MTMR8: variants seen among roughly 807,000 people sequenced by gnomAD.
The protein encoded by MTMR8 is phosphatidylinositol-3,5-bisphosphate 3-phosphatase MTMR8.
Under a neutral mutation model 39.3 loss-of-function variants are expected in MTMR8, and 65 were observed. The observed-to-expected ratio is 1.65, with a 90% CI of 1.35 to 2.03. MTMR8 has a LOEUF of 2.03. Ranked by LOEUF, MTMR8 falls within the 30% of genes most tolerant of loss-of-function variation. The pLI, the probability that MTMR8 is intolerant of heterozygous loss-of-function variation, is 0.00. For missense variants in MTMR8, 777 were observed against 538.9 expected, an observed-to-expected ratio of 1.44 and a Z score of -4.37; for synonymous variants, 245 against 185.2, an observed-to-expected ratio of 1.32 and a Z score of -2.62.
At chrX:64,304,864 A>T (rs1332158554) in intron 12 of MTMR8, among the ~76,000 whole-genome samples, 1 of 28,676 alleles carries the variant, frequency 3.5e-5, no homozygotes, top group East Asian at 7.9e-4. Context: ...AAACATTTAT[A>T]TATATATATA....
chrX:64,283,323 C>T (rs984553105), intron 12 of MTMR8, among the ~76,000 whole-genome samples: 11 of 112,011 alleles, frequency 9.8e-5, no homozygotes, highest in African/African-American at 3.6e-4. Context: ...ACAAAGCAGC[C>T]TGGAAGCTCG....
intron 12 of MTMR8, among the ~76,000 whole-genome samples, chrX:64,315,712 T>C (rs1295265430): frequency 8.9e-6 from 1 of 111,882 alleles, no homozygotes; most frequent in East Asian, 2.8e-4. Flanking sequence ...AATTGGTGTA[T>C]TAAGATCATT....
chrX:64,302,636 A>G (rs1036708912), intron 12 of MTMR8, among the ~76,000 whole-genome samples: 5 of 112,758 alleles, frequency 4.4e-5, no homozygotes, highest in Non-Finnish European at 9.4e-5. Context: ...TTAGGAACCC[A>G]TTAGCTGAAA....
chrX:64,359,733 T>G (rs1261795033), intron 1 of MTMR8, among the ~76,000 whole-genome samples: 14 of 110,768 alleles, frequency 1.3e-4, no homozygotes, highest in Non-Finnish European at 1.7e-4. Flanking sequence ...GGAAAACCCG[T>G]ATTCTAGAAA....
chrX:64,366,181 C>G (rs1923949239), intron 1 of MTMR8, among the ~76,000 whole-genome samples: 1 of 111,445 alleles, frequency 9.0e-6, no homozygotes, highest in Non-Finnish European at 1.9e-5. Context: ...CCTACTGTCA[C>G]TATCAGACAG....
chrX:64,369,695 A>T, intron 1 of MTMR8, among the ~76,000 whole-genome samples: 2 of 111,302 alleles, frequency 1.8e-5, no homozygotes, highest in Middle Eastern at 9.3e-3. Flanking sequence ...GCAAACCAAC[A>T]TGGCACATGT....
At chrX:64,346,955 T>A (rs145833409) in intron 6 of MTMR8, among the ~76,000 whole-genome samples, 3,901 of 111,490 alleles carry the variant, frequency 0.035, 68 homozygotes, top group South Asian at 0.061. Context: ...AAATCCTTTA[T>A]GTACATTATC....
chrX:64,307,896 G>T (rs1303946433), intron 12 of MTMR8, among the ~76,000 whole-genome samples: 2 of 112,256 alleles, frequency 1.8e-5, no homozygotes, highest in African/African-American at 6.5e-5. Flanking sequence ...ATTGTCAGCA[G>T]ATCTTATACA....
chrX:64,300,298 C>G (rs886263041), intron 12 of MTMR8, among the ~76,000 whole-genome samples: 1 of 111,613 alleles, frequency 9.0e-6, no homozygotes, highest in African/African-American at 3.3e-5. Flanking sequence ...GGATAGTTAG[C>G]TCTTCTTGTT....
intron 12 of MTMR8, among the ~76,000 whole-genome samples, chrX:64,324,723 A>G (rs1363932679): frequency 9.3e-6 from 1 of 107,134 alleles, no homozygotes; most frequent in Non-Finnish European, 1.9e-5. Flanking sequence ...CAAATCTTAT[A>G]AAATGGCCCT....
In MTMR8 at chrX:64,287,863, C is replaced by T. The variant is rs187896937; in HGVS notation, c.1482-16790G>A. ...TGTTAGACCTAAAACCATAAAAACC[C>T]TAGAAGAAAACCTAGACAATACCTT... On this transcript the variant is annotated intron_variant, in intron 12 of 13. Transcript: ENST00000374852. Among the ~76,000 whole-genome samples the T allele has an allele frequency of 1.1e-3, 118 of 105,828 alleles. 1 individual carries two copies. The East Asian group carries it at 0.027, about 25-fold the overall frequency. The allele number at this position is 105,828 out of a possible 115,157, so 91.9% of individuals were successfully genotyped here. A position where few individuals can be genotyped will look rare whatever the true frequency, so the allele number is the denominator to read the frequency against.
intron 12 of MTMR8, among the ~76,000 whole-genome samples, chrX:64,300,547 C>G (rs1921821677): frequency 1.9e-5 from 2 of 107,653 alleles, no homozygotes; most frequent in African/African-American, 6.8e-5. Flanking sequence ...CAGTCTGTGT[C>G]TTTTAATTGG....
At position 64,268,713 on chromosome X, in the gene MTMR8, C is replaced by A. The variant is rs371670889; in HGVS notation, c.1939G>T (p.Gly647Cys). The change falls in exon 14 of 14, where the codon GGC becomes TGC. Residue 647 changes from glycine to cysteine, a missense_variant. By Grantham distance (159) the Gly-to-Cys change is radical (BLOSUM62 -3). Transcript: ENST00000374852. ...SGDMCTFEAT[G>C]FSKDLGICGA... Reference sequence around the variant, plus strand: ...CAGATTCCTAAGTCTTTGGAGAAGCCCGTAGCCTCAAAGGTGCACATGTCT... The same window carrying A: ...CAGATTCCTAAGTCTTTGGAGAAGCACGTAGCCTCAAAGGTGCACATGTCT... The A allele has an allele frequency of 5.0e-6, 6 of 1,211,542 alleles. No individual in the cohort carries two copies. In the South Asian group the frequency reaches 8.8e-5, roughly 18 times the overall value.
At chrX:64,273,736 C>T (rs1195875402) in intron 12 of MTMR8, among the ~76,000 whole-genome samples, 1 of 110,780 alleles carries the variant, frequency 9.0e-6, no homozygotes, top group Non-Finnish European at 1.9e-5. Context: ...TAAGGGCACA[C>T]ATAGGCTGAA....
At chrX:64,374,787 G>A (rs1166404036) in intron 1 of MTMR8, among the ~76,000 whole-genome samples, 1 of 110,460 alleles carries the variant, frequency 9.1e-6, no homozygotes, top group African/African-American at 3.3e-5. Context: ...GACTGCCAAG[G>A]TGGGCTGCAA....
At chrX:64,277,949 C>A (rs774337349) in intron 12 of MTMR8, among the ~76,000 whole-genome samples, 1 of 109,371 alleles carries the variant, frequency 9.1e-6, no homozygotes, top group African/African-American at 3.3e-5. Flanking sequence ...TTTCTCTAAT[C>A]TTGTCTTCCT....
chrX:64,387,572 A>T (rs1262803617), intron 1 of MTMR8, among the ~76,000 whole-genome samples: 1 of 110,016 alleles, frequency 9.1e-6, no homozygotes, highest in East Asian at 2.9e-4. Context: ...TTCTACTCAA[A>T]GGCACCAGGG....
Position 64,337,460 on chromosome X carries a change from G to A in MTMR8, c.976-67C>T, listed in dbSNP as rs763209601. On this transcript the variant is annotated intron_variant, in intron 8 of 13. Coordinates refer to ENST00000374852, the MANE Select transcript of MTMR8 (RefSeq NM_017677.4). ...GCACAGCTTGTTGGATTAAAGAGTT[G>A]CCAAATACTGTCCCTAAAGCACAGA... The A allele has an allele frequency of 5.4e-6, 6 of 1,115,540 alleles. No homozygotes were observed. The South Asian group carries it at 6.0e-5, about 11-fold the overall frequency. The allele number at this position is 1,115,540 out of a possible 1,213,427, so 91.9% of individuals were successfully genotyped here. A position where few individuals can be genotyped will look rare whatever the true frequency, so the allele number is the denominator to read the frequency against.
intron 12 of MTMR8, among the ~76,000 whole-genome samples, chrX:64,308,320 A>ATTTTTTTTTTTT (rs778962275): frequency 4.2e-3 from 295 of 69,436 alleles, no homozygotes; most frequent in Middle Eastern, 0.029. Context: ...ACGGCTGGCT[A>ATTTTTTTTTTTT]TTTTTTTTTT....
Sources: gnomAD v4.1 joint callset for allele counts (sites outside exome capture counted in the v4.1 genomes callset) on GRCh38, gnomAD v4.1.1 for gene constraint, MANE v1.5 for transcripts, NCBI Gene and HGNC (gene_info 2026-07-23, HGNC 2026-07-21) for gene names.